The following CD200 variants were observed in gnomAD, a reference collection of about 807,000 sequenced individuals.
The protein encoded by CD200 is CD200 molecule.
Under a neutral mutation model 30.9 loss-of-function variants are expected in CD200, and 15 were observed. That is an observed-to-expected ratio of 0.49 (90% confidence interval 0.32 to 0.75). CD200 has a LOEUF of 0.75. Among genes scored for constraint, CD200 ranks in the 30% least tolerant of loss-of-function variants. CD200 has a pLI of 0.03. For synonymous variants in CD200, 134 were observed against 126.2 expected (o/e 1.06, Z -0.41); for missense variants, 262 against 324.2 (o/e 0.81, Z 1.47).
chr3:112,336,481 A>G (rs757670485), intron 1 of CD200, among the ~76,000 whole-genome samples: 1 of 152,128 alleles, frequency 6.6e-6, no homozygotes, highest in Non-Finnish European at 1.5e-5. Flanking sequence ...AAGTCATTGT[A>G]TCTAAAAGGA....
chr3:112,349,660 A>T, intron 4 of CD200, 52 bp from the exon 5 acceptor site: 2 of 1,525,730 alleles, frequency 1.3e-6, no homozygotes, highest in South Asian at 1.3e-5. Flanking sequence ...TTTTGCCTCA[A>T]CAATTTCCTC....
chr3:112,332,950 A>G, upstream of CD200: 1 of 547,136 alleles, frequency 1.8e-6, no homozygotes, highest in Non-Finnish European at 3.2e-6. Flanking sequence ...ACACTTTGTC[A>G]GTTTCCCCAG....
At chr3:112,348,768 G>A (rs79203299) in intron 4 of CD200, among the ~76,000 whole-genome samples, 4,003 of 152,160 alleles carry the variant, frequency 0.026, 77 homozygotes, top group East Asian at 0.069. Context: ...AGGTAAATTT[G>A]GTCAAAAAGA....
intron 5 of CD200, among the ~76,000 whole-genome samples, chr3:112,353,206 AACAATT>A (rs1312007286): frequency 6.6e-6 from 1 of 152,188 alleles, no homozygotes; most frequent in Non-Finnish European, 1.5e-5. Flanking sequence ...TCAACCCACC[AACAATT>A]ACATGCTTCT....
rs776346524 is a variant in CD200, at chr3:112,347,539, T to C, written c.422-19T>C. Reference sequence around the variant, plus strand: ...CAGGTGCTTAACTGATAACAGATCATATTTATTTTTTGTCCCAGTACAGCC... The same window carrying C: ...CAGGTGCTTAACTGATAACAGATCACATTTATTTTTTGTCCCAGTACAGCC... On this transcript the variant is annotated intron_variant, in intron 3 of 5. Coordinates refer to ENST00000315711, the MANE Select transcript of CD200 (RefSeq NM_005944.7). 71 of 1,611,786 alleles carry C rather than the reference T, an allele frequency of 4.4e-5. No homozygotes were observed. Among genetic ancestry groups the C allele is most frequent in the Non-Finnish European group, 5.9e-5 (70 of 1,178,068 alleles).
intron 1 of CD200, among the ~76,000 whole-genome samples, chr3:112,338,954 T>C (rs1024500754): frequency 1.3e-5 from 2 of 152,210 alleles, no homozygotes; most frequent in Admixed American, 1.3e-4. Context: ...GCAATTTACT[T>C]AACTTCTCTG....
At chr3:112,356,953 A>T (rs1006073181) in intron 5 of CD200, among the ~76,000 whole-genome samples, 1 of 152,186 alleles carries the variant, frequency 6.6e-6, no homozygotes, top group South Asian at 2.1e-4. Flanking sequence ...ACGGGAATAC[A>T]TACAAGTGCT....
chr3:112,349,200 A>C (rs1288365748), intron 4 of CD200, among the ~76,000 whole-genome samples: 2 of 152,228 alleles, frequency 1.3e-5, no homozygotes, highest in Admixed American at 1.3e-4. Flanking sequence ...TTAAAGACAT[A>C]GATAAGAAGA....
chr3:112,342,830 G>T (rs1483454922), intron 2 of CD200, among the ~76,000 whole-genome samples: 1 of 152,130 alleles, frequency 6.6e-6, no homozygotes, highest in Non-Finnish European at 1.5e-5. Context: ...AGACTTAAAA[G>T]AAGTATGTAA....
chr3:112,333,197 G>GCC lies in CD200; in HGVS notation c.-15_-14dup. 6.5e-7 allele frequency: 1 copy of GCC among 1,549,682 alleles called. No homozygotes were observed. Among genetic ancestry groups the GCC allele is most frequent in the African/African-American group, 1.4e-5 (1 of 73,050 alleles). On this transcript the variant is annotated 5_prime_UTR_variant, in exon 1 of 6. Coordinates refer to ENST00000315711, the MANE Select transcript of CD200 (RefSeq NM_005944.7). ...ATCCGCAGTCAGCCACCTCGCGCGCGCCTCCAGGAGCAAGGATGGAGAGGC... is the reference window on the plus strand; with the variant it reads ...ATCCGCAGTCAGCCACCTCGCGCGCGCCCCTCCAGGAGCAAGGATGGAGAGGC...
Position 112,340,882 on chromosome 3 carries a change from A to T in CD200, c.13-20A>T. 6.8e-7 allele frequency: 1 copy of T among 1,461,612 alleles called. No homozygotes were observed. Among genetic ancestry groups the T allele is most frequent in the South Asian group, 1.2e-5 (1 of 86,922 alleles). 90.5% of individuals were successfully genotyped at this position (1,461,612 alleles called of 1,614,324 possible). ...TCCAAATCCAAACCCCCATTTCTGT[A>T]CTTTGCTTTCTGTCTTCAGGTGATC... On this transcript the variant is annotated intron_variant, in intron 1 of 5. Transcript: ENST00000315711.
intron 1 of CD200, among the ~76,000 whole-genome samples, chr3:112,336,807 C>G (rs888431634): frequency 5.9e-5 from 9 of 152,018 alleles, no homozygotes; most frequent in African/African-American, 1.9e-4. Context: ...ATGAGACAGG[C>G]ACCAAGAGAC....
intron 1 of CD200, among the ~76,000 whole-genome samples, chr3:112,339,432 A>G (rs1439900591): frequency 1.3e-5 from 2 of 152,184 alleles, no homozygotes; most frequent in Non-Finnish European, 2.9e-5. Flanking sequence ...CAGGGAGATA[A>G]ATATTTTGTA....
chr3:112,353,551 C>A (rs1400307844), intron 5 of CD200, among the ~76,000 whole-genome samples: 1 of 152,164 alleles, frequency 6.6e-6, no homozygotes. Context: ...GTTAATAAAA[C>A]GTCATTTCCT....
At chr3:112,334,292 G>A (rs1559777682) in intron 1 of CD200, 1 of 982,366 alleles carries the variant, frequency 1.0e-6, no homozygotes, top group Non-Finnish European at 1.2e-6. Context: ...TACCAGGTGG[G>A]CAGCTGTCTG....
At chr3:112,333,694 C>T in intron 1 of CD200, 2 of 985,436 alleles carry the variant, frequency 2.0e-6, no homozygotes, top group Non-Finnish European at 2.4e-6. Flanking sequence ...TCCAGGCTCG[C>T]TTTCTCCGGG....
rs1466141273 is a variant in CD200, at chr3:112,361,772, G to A, written c.*222G>A. On this transcript the variant is annotated 3_prime_UTR_variant, in exon 6 of 6. Coordinates refer to ENST00000315711, the MANE Select transcript of CD200 (RefSeq NM_005944.7). ...ACCTCTCAGGTCTGTTGTAGGACTT[G>A]ATTTTGTAAAGCAATGCCATGTTAT... is the stretch of plus-strand genomic sequence containing the variant. 1.7e-6 allele frequency: 1 copy of A among 603,370 alleles called. No individual in the cohort carries two copies. Among genetic ancestry groups the A allele is most frequent in the Non-Finnish European group, 3.0e-6 (1 of 334,038 alleles). The allele number at this position is 603,370 out of a possible 1,614,324, so 37.4% of individuals were successfully genotyped here. A position where few individuals can be genotyped will look rare whatever the true frequency, so the allele number is the denominator to read the frequency against.
At chr3:112,334,610 G>A (rs576674855) in intron 1 of CD200, among the ~76,000 whole-genome samples, 5 of 151,708 alleles carry the variant, frequency 3.3e-5, no homozygotes, top group South Asian at 2.1e-4. Flanking sequence ...TTACTTTTCC[G>A]GAGTCTCAGA....
At chr3:112,353,563 G>A (rs2081575154) in intron 5 of CD200, among the ~76,000 whole-genome samples, 1 of 151,984 alleles carries the variant, frequency 6.6e-6, no homozygotes, top group Non-Finnish European at 1.5e-5. Context: ...TCATTTCCTG[G>A]ATAACAGCAT....
Sources: gnomAD v4.1 joint callset for allele counts (sites outside exome capture counted in the v4.1 genomes callset) on GRCh38, gnomAD v4.1.1 for gene constraint, MANE v1.5 for transcripts, NCBI Gene and HGNC (gene_info 2026-07-23, HGNC 2026-07-21) for gene names.